The following DTWD2 variants were observed in gnomAD, a reference collection of about 807,000 sequenced individuals.
DTWD2 encodes the protein DTW motif tRNA-uridine aminocarboxypropyltransferase 2.
DTWD2 carries 39 observed loss-of-function variants against 31.8 expected under a neutral mutation model. The ratio of observed to expected loss-of-function variants is 1.22; its 90% CI spans 0.95 to 1.60. DTWD2 has a LOEUF of 1.60. Ranked by LOEUF, DTWD2 falls within the 40% of genes most tolerant of loss-of-function variation. The pLI is 0.00. For missense variants in DTWD2, 515 were observed against 381.5 expected (o/e 1.35, Z -2.92); for synonymous variants, 180 against 142.8 (o/e 1.26, Z -1.86).
At chr5:118,892,418 T>G in intron 4 of DTWD2, among the ~76,000 whole-genome samples, 1 of 152,184 alleles carries the variant, frequency 6.6e-6, no homozygotes, top group East Asian at 1.9e-4. Context: ...AAACTATGCC[T>G]GTTCACAGTA....
chr5:118,884,455 A>G (rs1490221656), intron 4 of DTWD2, among the ~76,000 whole-genome samples: 1 of 152,228 alleles, frequency 6.6e-6, no homozygotes, highest in Non-Finnish European at 1.5e-5. Context: ...AATTTGCTGT[A>G]ACTAAAGGTG....
At chr5:118,943,408 G>A (rs1239953428) in intron 2 of DTWD2, among the ~76,000 whole-genome samples, 1 of 152,060 alleles carries the variant, frequency 6.6e-6, no homozygotes, top group Non-Finnish European at 1.5e-5. Context: ...AAAGTTAGCC[G>A]GGCGTTGTGG....
chr5:118,846,379 G>C (rs1249844040), intron 5 of DTWD2, among the ~76,000 whole-genome samples: 1 of 152,028 alleles, frequency 6.6e-6, no homozygotes, highest in African/African-American at 2.4e-5. Flanking sequence ...TTATATTTAG[G>C]ATTGCAGTAA....
intron 4 of DTWD2, among the ~76,000 whole-genome samples, chr5:118,880,756 A>C (rs1161914973): frequency 6.6e-6 from 1 of 152,196 alleles, no homozygotes; most frequent in Non-Finnish European, 1.5e-5. Context: ...CTAGTCTAAA[A>C]TGTTTAAATA....
intron 4 of DTWD2, among the ~76,000 whole-genome samples, chr5:118,882,741 G>A (rs574171259): frequency 2.5e-4 from 38 of 152,364 alleles, no homozygotes; most frequent in Admixed American, 8.5e-4. Context: ...AGCAATGGCT[G>A]GAGATGGAGC....
chr5:118,854,198 TAA>T (rs1752078764), intron 4 of DTWD2, among the ~76,000 whole-genome samples: 1 of 152,164 alleles, frequency 6.6e-6, no homozygotes, highest in Non-Finnish European at 1.5e-5. Flanking sequence ...GAGAAATCTA[TAA>T]AAAGTGCTTA....
intron 4 of DTWD2, among the ~76,000 whole-genome samples, chr5:118,853,476 T>G (rs1215142914): frequency 6.6e-6 from 1 of 152,120 alleles, no homozygotes; most frequent in Non-Finnish European, 1.5e-5. Context: ...CTATTCATAA[T>G]AGCAAAGACA....
intron 4 of DTWD2, among the ~76,000 whole-genome samples, chr5:118,895,165 C>G (rs1753058209): frequency 6.6e-6 from 1 of 152,014 alleles, no homozygotes; most frequent in Non-Finnish European, 1.5e-5. Context: ...AGTAAAGTTG[C>G]AAGATGGGTA....
chr5:118,979,042 C>G (rs1376008511), intron 1 of DTWD2, among the ~76,000 whole-genome samples: 1 of 152,004 alleles, frequency 6.6e-6, no homozygotes, highest in South Asian at 2.1e-4. Flanking sequence ...CGGTGGCTCA[C>G]GCCTATAATC....
intron 4 of DTWD2, among the ~76,000 whole-genome samples, chr5:118,875,451 A>G (rs1024639449): frequency 5.3e-5 from 8 of 152,116 alleles, no homozygotes; most frequent in African/African-American, 1.9e-4. Context: ...GTTGTCTTCA[A>G]GAGACCATCT....
chr5:118,848,406 A>G (rs913792517), intron 4 of DTWD2, among the ~76,000 whole-genome samples, 188 bp from the exon 5 acceptor site: 11 of 152,152 alleles, frequency 7.2e-5, no homozygotes, highest in African/African-American at 2.7e-4. Flanking sequence ...GCTATATAGA[A>G]GAAGACATAT....
At chr5:118,921,989 T>G (rs1171035011) in intron 4 of DTWD2, among the ~76,000 whole-genome samples, 1 of 152,166 alleles carries the variant, frequency 6.6e-6, no homozygotes, top group African/African-American at 2.4e-5. Context: ...AAGCGAGAAA[T>G]TAAGCTTTAG....
At chr5:118,957,009 A>G (rs1754601913) in intron 1 of DTWD2, among the ~76,000 whole-genome samples, 1 of 152,054 alleles carries the variant, frequency 6.6e-6, no homozygotes, top group African/African-American at 2.4e-5. Context: ...TATATCCAAC[A>G]TAACCAATAA....
intron 1 of DTWD2, among the ~76,000 whole-genome samples, chr5:118,958,064 T>C (rs1450025084): frequency 6.6e-6 from 1 of 152,158 alleles, no homozygotes; most frequent in Non-Finnish European, 1.5e-5. Flanking sequence ...AAAATAATTA[T>C]ATCACTGGCC....
chr5:118,919,468 T>C (rs1317878959), intron 4 of DTWD2, among the ~76,000 whole-genome samples: 1 of 152,250 alleles, frequency 6.6e-6, no homozygotes. Flanking sequence ...CAAATGGCTC[T>C]GGATCAACAC....
chr5:118,883,010 T>A (rs1192468696), intron 4 of DTWD2, among the ~76,000 whole-genome samples: 3 of 152,262 alleles, frequency 2.0e-5, no homozygotes, highest in Non-Finnish European at 4.4e-5. Context: ...AACCTTTATG[T>A]TCTGCTTCTC....
intron 4 of DTWD2, among the ~76,000 whole-genome samples, chr5:118,855,503 T>A (rs1752113717): frequency 6.6e-6 from 1 of 152,084 alleles, no homozygotes; most frequent in African/African-American, 2.4e-5. Context: ...ATACCAAGTA[T>A]ATTATACCAA....
intron 1 of DTWD2, among the ~76,000 whole-genome samples, chr5:118,978,764 A>T (rs1202989014): frequency 2.0e-5 from 3 of 151,470 alleles, no homozygotes; most frequent in Non-Finnish European, 4.4e-5. Flanking sequence ...CCAGCACTTC[A>T]GGAGGCCAAG....
At chr5:118,903,749 TAAA>T (rs908576050) in intron 4 of DTWD2, among the ~76,000 whole-genome samples, 1 of 150,906 alleles carries the variant, frequency 6.6e-6, no homozygotes, top group Non-Finnish European at 1.5e-5. Flanking sequence ...CCTGGAAATG[TAAA>T]AAAAAAGTTA....
Sources: gnomAD v4.1 joint callset for allele counts (sites outside exome capture counted in the v4.1 genomes callset) on GRCh38, gnomAD v4.1.1 for gene constraint, MANE v1.5 for transcripts, NCBI Gene and HGNC (gene_info 2026-07-23, HGNC 2026-07-21) for gene names.